Variants in RNF115 observed in about 807,000 individuals in gnomAD.
RNF115 encodes the protein E3 ubiquitin-protein ligase RNF115.
Under a neutral mutation model 39.2 loss-of-function variants are expected in RNF115, and 31 were observed. The ratio of observed to expected loss-of-function variants is 0.79; its 90% CI spans 0.59 to 1.07. The LOEUF (loss-of-function observed/expected upper bound fraction) is 1.07. Ranked by LOEUF, RNF115 falls within the 50% of genes least tolerant of loss-of-function variation. The pLI, the probability that RNF115 is intolerant of heterozygous loss-of-function variation, is 0.00. For missense variants in RNF115, 384 were observed against 381.7 expected, an observed-to-expected ratio of 1.01 and a Z score of -0.05; for synonymous variants, 124 against 131.0, an observed-to-expected ratio of 0.95 and a Z score of 0.37.
At chr1:145,782,169 T>A in intron 3 of RNF115, among the ~76,000 whole-genome samples, 1 of 152,258 alleles carries the variant, frequency 6.6e-6, no homozygotes, top group Middle Eastern at 3.4e-3. Context: ...CCTCCCAAAG[T>A]GCTGGGATTA....
chr1:145,818,867 C>T (rs1650102052), intron 1 of RNF115, among the ~76,000 whole-genome samples: 1 of 151,366 alleles, frequency 6.6e-6, no homozygotes, highest in Admixed American at 6.6e-5. Context: ...TTGGTTCTTT[C>T]AAAAAATAAA....
At chr1:145,756,207 T>C (rs897568179) in intron 4 of RNF115, among the ~76,000 whole-genome samples, 2 of 152,092 alleles carry the variant, frequency 1.3e-5, no homozygotes, top group African/African-American at 4.8e-5. Context: ...ACGCCTATAA[T>C]CCCAGCACTT....
At chr1:145,774,191 T>C (rs1480660517) in intron 3 of RNF115, among the ~76,000 whole-genome samples, 3 of 152,160 alleles carry the variant, frequency 2.0e-5, no homozygotes, top group African/African-American at 7.2e-5. Flanking sequence ...GACATCACCC[T>C]GTCATTGTGG....
At chr1:145,765,274 A>C (rs1329307208) in intron 4 of RNF115, among the ~76,000 whole-genome samples, 2 of 152,198 alleles carry the variant, frequency 1.3e-5, no homozygotes, top group Non-Finnish European at 2.9e-5. Flanking sequence ...CCAGGGACAC[A>C]AACACTGTGG....
At chr1:145,754,910 G>A (rs781980912) in intron 4 of RNF115, among the ~76,000 whole-genome samples, 4 of 152,016 alleles carry the variant, frequency 2.6e-5, no homozygotes, top group Non-Finnish European at 5.9e-5. Context: ...ATAGAATATG[G>A]CAGAATTGAT....
At chr1:145,781,009 C>T (rs1329489905) in intron 3 of RNF115, among the ~76,000 whole-genome samples, 2 of 152,074 alleles carry the variant, frequency 1.3e-5, no homozygotes, top group Admixed American at 6.6e-5. Context: ...GCAATGTCTT[C>T]TCTCTACAAA....
chr1:145,784,609 G>T lies in RNF115; in HGVS notation c.162-13C>A, dbSNP rs1553717898. The T allele has an allele frequency of 3.5e-5, 56 of 1,612,114 alleles. No homozygotes were observed. Among genetic ancestry groups the T allele is most frequent in the Non-Finnish European group, 4.6e-5 (54 of 1,178,426 alleles). Reference sequence around the variant, plus strand: ...ACCACCTAAAAAACTAAAGAGAAAAGGAATGAGTGGTGATTCTATTCCCAG... The same window carrying T: ...ACCACCTAAAAAACTAAAGAGAAAATGAATGAGTGGTGATTCTATTCCCAG... On this transcript the variant is annotated splice_polypyrimidine_tract_variant and intron_variant, in intron 2 of 8. Coordinates refer to ENST00000582693, the MANE Select transcript of RNF115 (RefSeq NM_014455.4).
In RNF115 at chr1:145,746,152, G is replaced by C. The variant is rs1553711715; in HGVS notation, c.*714C>G. The C allele has an allele frequency of 6.6e-6, 1 of 151,882 alleles. No individual in the cohort carries two copies. Among genetic ancestry groups the C allele is most frequent in the African/African-American group, 2.4e-5 (1 of 41,350 alleles). 9.4% of individuals were successfully genotyped at this position (151,882 alleles called of 1,614,324 possible). ...GAGGTAGGAGAATCGCTTGAACTCA[G>C]GAGGCAGAGTTTGCAATGAGCCAAG... On this transcript the variant is annotated 3_prime_UTR_variant, in exon 9 of 9. Transcript: ENST00000582693.
At chr1:145,754,792 T>C (rs1213277014) in intron 4 of RNF115, among the ~76,000 whole-genome samples, 1 of 152,202 alleles carries the variant, frequency 6.6e-6, no homozygotes, top group Non-Finnish European at 1.5e-5. Flanking sequence ...TATGAATTCA[T>C]TGTGTTTTCT....
At chr1:145,823,369 T>A (rs1326516738) in intron 1 of RNF115, among the ~76,000 whole-genome samples, 1 of 110,506 alleles carries the variant, frequency 9.0e-6, no homozygotes, top group African/African-American at 3.3e-5. Flanking sequence ...CGGTGGGGGG[T>A]GAAAAGTGGA....
chr1:145,785,556 G>A (rs1648341613), intron 2 of RNF115, among the ~76,000 whole-genome samples: 2 of 152,156 alleles, frequency 1.3e-5, no homozygotes, highest in Admixed American at 1.3e-4. Context: ...GGGATGGAAA[G>A]AATCACAGGA....
chr1:145,741,247 GGAA>G lies in RNF115; in HGVS notation c.*5616_*5618del, dbSNP rs1657683583. On this transcript the variant is annotated 3_prime_UTR_variant, in exon 9 of 9. Coordinates refer to ENST00000582693, the MANE Select transcript of RNF115 (RefSeq NM_014455.4). ...AGATCTAAGTGTTCTGGTTGAAAGA[GGAA>G]GAAGAGGCAACATACAAACTACACT... 1 of 152,190 alleles carries G rather than the reference GGAA, an allele frequency of 6.6e-6. No individual in the cohort carries two copies. Among genetic ancestry groups the G allele is most frequent in the Non-Finnish European group, 1.5e-5 (1 of 68,034 alleles). The allele number at this position is 152,190 out of a possible 1,614,324, so 9.4% of individuals were successfully genotyped here.
chr1:145,795,360 G>T (rs185749789), intron 1 of RNF115, among the ~76,000 whole-genome samples: 1 of 152,110 alleles, frequency 6.6e-6, no homozygotes, highest in Non-Finnish European at 1.5e-5. Context: ...AGGGACCCAA[G>T]CTGCTTGCTG....
rs1657722381 is a variant in RNF115 at position 145,742,604 on chromosome 1, T to C, written c.*4262A>G. On this transcript the variant is annotated 3_prime_UTR_variant, in exon 9 of 9. Coordinates refer to ENST00000582693, the MANE Select transcript of RNF115 (RefSeq NM_014455.4). The stretch of plus-strand genomic sequence containing the variant: ...AGGCTCCAGCTCTCTTCTGTATCCC[T>C]GCTCACTTTACCTCAGTGCACACCA... 6.6e-6 allele frequency: 1 copy of C among 152,222 alleles called. No homozygotes were observed. The highest frequency in any genetic ancestry group is 1.5e-5 in the Non-Finnish European group (1 of 68,046). 9.4% of individuals were successfully genotyped at this position (152,222 alleles called of 1,614,324 possible).
chr1:145,804,619 C>T (rs1442527065), intron 1 of RNF115, among the ~76,000 whole-genome samples: 1 of 151,966 alleles, frequency 6.6e-6, no homozygotes, highest in Non-Finnish European at 1.5e-5. Flanking sequence ...CGGGAATATA[C>T]TAAATTCTCA....
At chr1:145,786,945 C>T in intron 2 of RNF115, 1 of 676,706 alleles carries the variant, frequency 1.5e-6, no homozygotes, top group Non-Finnish European at 2.3e-6. Flanking sequence ...CATATTGCCC[C>T]AGAAGCTCCA....
chr1:145,789,475 G>A (rs12744221), intron 1 of RNF115, among the ~76,000 whole-genome samples: 43,963 of 150,092 alleles, frequency 0.29, 7,244 homozygotes, highest in Non-Finnish European at 0.37. Context: ...CTCGGCTCAC[G>A]GCAACCTCCA....
intron 6 of RNF115, 93 bp from the exon 7 acceptor site, chr1:145,750,593 AT>A: frequency 1.1e-6 from 1 of 918,096 alleles, no homozygotes. Context: ...CAGTGCAGAC[AT>A]TAGGTATGTT....
intron 5 of RNF115, among the ~76,000 whole-genome samples, chr1:145,752,585 C>CTTTTTTTTTTTTTTTTTTTTTTTTTT (rs60257682): frequency 2.4e-5 from 2 of 83,784 alleles, no homozygotes; most frequent in African/African-American, 1.1e-4. Context: ...CTATGCAGCT[C>CTTTTTTTTTTTTTTTTTTTTTTTTTT]TTTTTTTTTT....
Sources: gnomAD v4.1 joint callset for allele counts (sites outside exome capture counted in the v4.1 genomes callset) on GRCh38, gnomAD v4.1.1 for gene constraint, MANE v1.5 for transcripts, NCBI Gene and HGNC (gene_info 2026-07-23, HGNC 2026-07-21) for gene names.